MAPK8: variants seen among roughly 807,000 people sequenced by gnomAD.
MAPK8 encodes JUN N-terminal kinase.
MAPK8 carries 13 observed loss-of-function variants against 52.9 expected under a neutral mutation model. The observed-to-expected ratio is 0.25, with a 90% CI of 0.16 to 0.39. The LOEUF (loss-of-function observed/expected upper bound fraction) is 0.39, where lower values mean the gene tolerates loss of function less well. Ranked by LOEUF, MAPK8 falls within the 10% of genes least tolerant of loss-of-function variation. MAPK8 has a pLI of 1.00. For missense variants in MAPK8, 300 were observed against 519.2 expected, an observed-to-expected ratio of 0.58 and a Z score of 4.10; for synonymous variants, 191 against 169.8, an observed-to-expected ratio of 1.12 and a Z score of -0.97.
In MAPK8 at chr10:48,341,936, A is replaced by G. The variant is rs1020444027; in HGVS notation, c.-50+35115A>G. 2.2e-4 allele frequency among the ~76,000 whole-genome samples: 34 copies of G among 152,244 alleles called. 1 individual carries two copies. Among genetic ancestry groups the G allele is most frequent in the Admixed American group, 5.9e-4 (9 of 15,284 alleles). ...AGCAATCTAGGCTGAGGGAAAGCAC[A>G]TGCAGAAGCGATCAGGAGAGAGCCT... is the stretch of plus-strand genomic sequence containing the variant. On this transcript the variant is annotated intron_variant, in intron 1 of 11. Coordinates refer to ENST00000374189, the MANE Select transcript of MAPK8 (RefSeq NM_001323329.2).
chr10:48,405,331 C>G (rs1039657835), intron 3 of MAPK8, among the ~76,000 whole-genome samples: 1 of 152,110 alleles, frequency 6.6e-6, no homozygotes, highest in Non-Finnish European at 1.5e-5. Context: ...AGCATTAGCA[C>G]AGAGATGAAA....
In MAPK8 at chr10:48,345,232, C is replaced by T. The variant is rs574974716; in HGVS notation, c.-50+38411C>T. The stretch of plus-strand genomic sequence containing the variant: ...TCTAGATAAACTTGGCAGGAACTTC[C>T]GGTTTCATTGCTTGACCCAATACTT... On this transcript the variant is annotated intron_variant, in intron 1 of 11. Transcript: ENST00000374189. Among the ~76,000 whole-genome samples, 4 of 152,220 alleles carry T rather than the reference C, an allele frequency of 2.6e-5. No individual in the cohort carries two copies. In the East Asian group the frequency reaches 5.8e-4, roughly 22 times the overall value.
At chr10:48,384,739 A>G (rs2041211431) in intron 1 of MAPK8, among the ~76,000 whole-genome samples, 1 of 152,246 alleles carries the variant, frequency 6.6e-6, no homozygotes, top group Non-Finnish European at 1.5e-5. Context: ...CCAATAATTT[A>G]TCTTGGAATT....
At chr10:48,380,740 AT>A (rs1313327485) in intron 1 of MAPK8, among the ~76,000 whole-genome samples, 2 of 152,256 alleles carry the variant, frequency 1.3e-5, no homozygotes, top group Admixed American at 6.5e-5. Flanking sequence ...TCTAAAAAAA[AT>A]AAATAAATAA....
chr10:48,427,022 A>G (rs960514673), intron 9 of MAPK8, 58 bp from the exon 10 acceptor site: 2 of 1,252,706 alleles, frequency 1.6e-6, no homozygotes, highest in Non-Finnish European at 2.3e-6. Context: ...TCAAATAACT[A>G]CAGAGTTAAA....
At position 48,386,538 on chromosome 10, in the gene MAPK8, TG is replaced by T. The variant is rs551284858; in HGVS notation, c.-49-15072del. On this transcript the variant is annotated intron_variant, in intron 1 of 11. Coordinates refer to ENST00000374189, the MANE Select transcript of MAPK8 (RefSeq NM_001323329.2). ...GTTGAGCAAGCCCAGAAGCCAACTT[TG>T]GAATATTTTGAAATGTTTACCATTT... Among the ~76,000 whole-genome samples, 252 of 152,330 alleles carry T rather than the reference TG, an allele frequency of 1.7e-3. 1 individual carries two copies. The highest frequency in any genetic ancestry group is 5.6e-3 in the African/African-American group (234 of 41,568).
intron 1 of MAPK8, among the ~76,000 whole-genome samples, chr10:48,375,947 A>G (rs2040633011): frequency 6.6e-6 from 1 of 152,236 alleles, no homozygotes; most frequent in Non-Finnish European, 1.5e-5. Flanking sequence ...CCTAAGCAAA[A>G]AGAACAAAAT....
At chr10:48,382,555 G>C (rs573360430) in intron 1 of MAPK8, among the ~76,000 whole-genome samples, 2 of 151,816 alleles carry the variant, frequency 1.3e-5, no homozygotes, top group Non-Finnish European at 2.9e-5. Context: ...TTCATAAATA[G>C]AACAAGTTCA....
intron 1 of MAPK8, among the ~76,000 whole-genome samples, chr10:48,334,621 TCAGA>T (rs752188054): frequency 3.3e-5 from 5 of 152,152 alleles, no homozygotes; most frequent in Non-Finnish European, 5.9e-5. Context: ...GCTGGGACAC[TCAGA>T]CAGAGCGGGC....
intron 5 of MAPK8, among the ~76,000 whole-genome samples, chr10:48,411,067 C>G (rs993569657): frequency 6.6e-6 from 1 of 152,168 alleles, no homozygotes; most frequent in Non-Finnish European, 1.5e-5. Context: ...TTCTCCCATT[C>G]TGTAGGTTGT....
At chr10:48,429,546 C>A (rs1244906991) in intron 10 of MAPK8, among the ~76,000 whole-genome samples, 1 of 152,122 alleles carries the variant, frequency 6.6e-6, no homozygotes, top group Non-Finnish European at 1.5e-5. Flanking sequence ...AGTTAGTGCT[C>A]CTAATTAGTT....
intron 1 of MAPK8, among the ~76,000 whole-genome samples, chr10:48,316,197 G>A (rs1387530778): frequency 6.6e-6 from 1 of 152,144 alleles, no homozygotes; most frequent in Non-Finnish European, 1.5e-5. Context: ...TGTGACAGTG[G>A]TCCCATAAAA....
intron 1 of MAPK8, among the ~76,000 whole-genome samples, chr10:48,336,138 G>A (rs943323319): frequency 6.6e-6 from 1 of 152,016 alleles, no homozygotes; most frequent in Non-Finnish European, 1.5e-5. Flanking sequence ...TAGTAAGATT[G>A]TTAAATTTCT....
At chr10:48,405,722 C>T (rs185595078) in intron 3 of MAPK8, among the ~76,000 whole-genome samples, 17 of 152,272 alleles carry the variant, frequency 1.1e-4, no homozygotes, top group Admixed American at 6.5e-4. Flanking sequence ...TTAGGCAGTC[C>T]TAAACCGAAG....
At chr10:48,370,058 A>G (rs572791328) in intron 1 of MAPK8, among the ~76,000 whole-genome samples, 1 of 152,316 alleles carries the variant, frequency 6.6e-6, no homozygotes, top group Admixed American at 6.5e-5. Context: ...GGTCTTGATC[A>G]TATTTCAGTG....
rs59420160 is a variant in MAPK8, at chr10:48,398,603, A to G, written c.-49-3009A>G. The stretch of plus-strand genomic sequence containing the variant: ...ATAATTAAACGAAGATGAATGAAGA[A>G]AAAGTGAAATTCATACCAGCATCAT... On this transcript the variant is annotated intron_variant, in intron 1 of 11. Transcript: ENST00000374189. Among the ~76,000 whole-genome samples, 457 of 152,352 alleles carry G rather than the reference A, an allele frequency of 3.0e-3. 4 individuals carry two copies. The highest frequency in any genetic ancestry group is 0.011 in the African/African-American group (445 of 41,586).
chr10:48,308,716 T>C (rs929961916), intron 1 of MAPK8, among the ~76,000 whole-genome samples: 3 of 152,184 alleles, frequency 2.0e-5, no homozygotes, highest in Admixed American at 2.0e-4. Flanking sequence ...ACTCTTATTG[T>C]GGAAAATTGA....
At chr10:48,434,099 C>T (rs2044618740) in intron 11 of MAPK8, among the ~76,000 whole-genome samples, 2 of 152,176 alleles carry the variant, frequency 1.3e-5, no homozygotes, top group African/African-American at 4.8e-5. Context: ...CTGTCTCGAG[C>T]TCAGGTATTC....
chr10:48,366,165 AT>A (rs201494831), intron 1 of MAPK8, among the ~76,000 whole-genome samples: 1 of 151,876 alleles, frequency 6.6e-6, no homozygotes, highest in South Asian at 2.1e-4. Flanking sequence ...AAGGAGGTAG[AT>A]TTTTTTTATG....
Sources: gnomAD v4.1 joint callset for allele counts (sites outside exome capture counted in the v4.1 genomes callset) on GRCh38, gnomAD v4.1.1 for gene constraint, MANE v1.5 for transcripts, NCBI Gene and HGNC (gene_info 2026-07-23, HGNC 2026-07-21) for gene names.